Variants in GTPBP1 observed in about 807,000 individuals in gnomAD.
GTPBP1 encodes the protein GTP binding protein 1.
In GTPBP1, 23 loss-of-function variants were observed where a neutral mutation model predicts 62.0. The ratio of observed to expected loss-of-function variants is 0.37; its 90% CI spans 0.27 to 0.53. The LOEUF is 0.53. Among genes scored for constraint, GTPBP1 ranks in the 20% least tolerant of loss-of-function variants. The probability of loss-of-function intolerance (pLI) is 0.89; values close to 1 mark genes in which losing one functional copy is unlikely to be tolerated. For missense variants in GTPBP1, 640 were observed against 917.3 expected (o/e 0.70, Z 3.90); for synonymous variants, 344 against 364.4 (o/e 0.94, Z 0.64).
Position 38,729,618 on chromosome 22 carries a change from G to C in GTPBP1, c.1873G>C (p.Val625Leu), listed in dbSNP as rs138730175. The stretch of plus-strand genomic sequence containing the variant: ...CCCACCTGGAGATGAAGCCTCCTCT[G>C]TAGGGGCAGGGCAACCAGCTGCGTC... Reference protein sequence around the residue: ...APPPGDEASSVGAGQPAASSN... With the variant: ...APPPGDEASSLGAGQPAASSN... The change falls in exon 11 of 12, where the codon GTA becomes CTA. Residue 625 changes from valine (V) to leucine (L), a missense_variant. Physicochemically the swap from Val to Leu is conservative, Grantham distance 32. Around this residue, in one of 4 missense-constraint regions of GTPBP1, gnomAD observed 117 missense variants for 107.1 expected, o/e 1.09. Transcript: ENST00000216044. 5.2e-6 allele frequency: 8 copies of C among 1,541,908 alleles called. No individual in the cohort carries two copies. The highest frequency in any genetic ancestry group is 7.0e-6 in the Non-Finnish European group (8 of 1,145,934).
chr22:38,738,665 G>A (rs762930089), downstream of GTPBP1: 10 of 1,613,850 alleles, frequency 6.2e-6, no homozygotes, highest in Admixed American at 6.7e-5. This position sits in a 1 kb window ranked among gnomAD's most constrained non-coding sequence, Gnocchi z 6.6. Flanking sequence ...CTAAGGTAAC[G>A]GCTGTGGGGC....
Position 38,716,390 on chromosome 22 carries a change from T to C in GTPBP1, c.486-262T>C. 1.7e-6 allele frequency: 1 copy of C among 588,988 alleles called. No individual in the cohort carries two copies. The highest frequency in any genetic ancestry group is 3.0e-6 in the Non-Finnish European group (1 of 332,168). The allele number at this position is 588,988 out of a possible 1,614,324, so 36.5% of individuals were successfully genotyped here. ...GAGCCTTTTGTGCCTCTGGTAGCCT[T>C]GCGGCTCTTCCTGGCAGCACCCAGA... is the stretch of plus-strand genomic sequence containing the variant. On this transcript the variant is annotated intron_variant, in intron 3 of 11. Transcript: ENST00000216044. The surrounding 1 kb of genome is among the most constrained non-coding windows in gnomAD (Gnocchi z 5.2).
Position 38,727,055 on chromosome 22 carries a change from G to A in GTPBP1, c.1402-158G>A, listed in dbSNP as rs565733026. 1.3e-5 allele frequency among the ~76,000 whole-genome samples: 2 copies of A among 152,188 alleles called. No homozygotes were observed. Among genetic ancestry groups the A allele is most frequent in the Admixed American group, 6.5e-5 (1 of 15,292 alleles). On this transcript the variant is annotated intron_variant, in intron 8 of 11. Coordinates refer to ENST00000216044, the MANE Select transcript of GTPBP1 (RefSeq NM_004286.5). This position sits in a 1 kb window ranked among gnomAD's most constrained non-coding sequence, Gnocchi z 6.5. The stretch of plus-strand genomic sequence containing the variant: ...TTCCCATGGAGCACTGAGGGTGCTC[G>A]TGCTGTCCACCCTAGAAGGCCTGTG...
chr22:38,719,668 C>T (rs9611012), intron 4 of GTPBP1, among the ~76,000 whole-genome samples: 8,557 of 150,888 alleles, frequency 0.057, 355 homozygotes, highest in Middle Eastern at 0.11. Flanking sequence ...AAATAGTGGA[C>T]ATGTCTTCAT....
chr22:38,737,697 G>A (rs2037061405), downstream of GTPBP1: 1 of 357,218 alleles, frequency 2.8e-6, no homozygotes, highest in African/African-American at 2.1e-5. The surrounding 1 kb of genome is among the most constrained non-coding windows in gnomAD (Gnocchi z 4.1). Context: ...GCAGGCTCCT[G>A]GGTCCTGTCA....
chr22:38,734,885 C>T (rs2092788339), downstream of GTPBP1: 1 of 205,646 alleles, frequency 4.9e-6, no homozygotes. Flanking sequence ...ACCACTGCAT[C>T]CAGCCTCATG....
chr22:38,723,563 C>T, intron 5 of GTPBP1: 5 of 594,530 alleles, frequency 8.4e-6, no homozygotes, highest in Non-Finnish European at 1.2e-5. Flanking sequence ...GCCTGAATTT[C>T]CATCAGCCCA....
chr22:38,733,778 T>A (rs1647195869), downstream of GTPBP1, among the ~76,000 whole-genome samples: 1 of 151,954 alleles, frequency 6.6e-6, no homozygotes, highest in Non-Finnish European at 1.5e-5. Context: ...CAGCACAGGT[T>A]TAGTTGGGTT....
At chr22:38,740,800 C>T (rs2092850188), downstream of GTPBP1, 1 of 612,538 alleles carries the variant, frequency 1.6e-6, no homozygotes, top group Non-Finnish European at 2.9e-6. The surrounding 1 kb of genome is among the most constrained non-coding windows in gnomAD (Gnocchi z 4.8). Flanking sequence ...CTGCCCCCCG[C>T]CCTCAGGACC....
chr22:38,710,605 A>G (rs947295172), intron 2 of GTPBP1, among the ~76,000 whole-genome samples: 2 of 152,020 alleles, frequency 1.3e-5, no homozygotes, highest in Non-Finnish European at 2.9e-5. Flanking sequence ...AGAGGCAGCA[A>G]TGAATGCCAG....
chr22:38,723,182 C>T (rs969268578), intron 5 of GTPBP1: 90 of 877,236 alleles, frequency 1.0e-4, no homozygotes, highest in Admixed American at 9.2e-4. Context: ...TTCTGTAGGA[C>T]CACGAAGGTG....
rs2092734991 is a variant in GTPBP1 at position 38,727,848 on chromosome 22, G to A, written c.1538-135G>A. Reference sequence around the variant, plus strand: ...ATCAGAGCCAAGAACAGGCTTCACGGGGGTCTGTAGCCCCAGAGATAAGCC... The same window carrying A: ...ATCAGAGCCAAGAACAGGCTTCACGAGGGTCTGTAGCCCCAGAGATAAGCC... On this transcript the variant is annotated intron_variant, in intron 9 of 11. Coordinates refer to ENST00000216044, the MANE Select transcript of GTPBP1 (RefSeq NM_004286.5). This position sits in a 1 kb window ranked among gnomAD's most constrained non-coding sequence, Gnocchi z 6.5. 1 of 639,148 alleles carries A rather than the reference G, an allele frequency of 1.6e-6. No homozygotes were observed. The highest frequency in any genetic ancestry group is 1.8e-5 in the African/African-American group (1 of 55,232). 39.6% of individuals were successfully genotyped at this position (639,148 alleles called of 1,614,324 possible).
chr22:38,719,250 GCCC>G, intron 4 of GTPBP1, among the ~76,000 whole-genome samples: 1 of 152,252 alleles, frequency 6.6e-6, no homozygotes, highest in East Asian at 1.9e-4. Flanking sequence ...CCAGCAATCT[GCCC>G]ACCTTGGCCT....
chr22:38,726,731 G>C lies in GTPBP1; in HGVS notation c.1401+291G>C, dbSNP rs2092728831. ...GAGGTCAAATAGGAGTATCCCTGCT[G>C]TGCAAGGATCCTTCTACATAGGACC... On this transcript the variant is annotated intron_variant, in intron 8 of 11. Coordinates refer to ENST00000216044, the MANE Select transcript of GTPBP1 (RefSeq NM_004286.5). The surrounding 1 kb of genome is among the most constrained non-coding windows in gnomAD (Gnocchi z 4.1). 6.6e-6 allele frequency among the ~76,000 whole-genome samples: 1 copy of C among 152,140 alleles called. No homozygotes were observed. The highest frequency in any genetic ancestry group is 2.4e-5 in the African/African-American group (1 of 41,418).
chr22:38,728,309 C>T (rs2092737731), intron 10 of GTPBP1, 148 bp downstream of exon 10: 1 of 629,912 alleles, frequency 1.6e-6, no homozygotes, highest in African/African-American at 1.8e-5. Context: ...TCTCTACTCC[C>T]TTAGAGGTAT....
chr22:38,714,393 C>A (rs1028191441), intron 2 of GTPBP1, among the ~76,000 whole-genome samples: 2 of 149,908 alleles, frequency 1.3e-5, no homozygotes, highest in Non-Finnish European at 2.9e-5. Flanking sequence ...GCAGGAGAAT[C>A]GCTTGAACCT....
chr22:38,738,033 T>C, downstream of GTPBP1: 1 of 790,572 alleles, frequency 1.3e-6, no homozygotes, highest in Admixed American at 1.9e-5. This position sits in a 1 kb window ranked among gnomAD's most constrained non-coding sequence, Gnocchi z 6.6. Flanking sequence ...CCCATTTGGA[T>C]ATCACATCTT....
At chr22:38,742,567 G>C (rs777304475), downstream of GTPBP1, 32 of 1,601,498 alleles carry the variant, frequency 2.0e-5, no homozygotes, top group Non-Finnish European at 2.6e-5. Flanking sequence ...TGGAAGGGCA[G>C]AGAGAGAGCC....
At position 38,729,600 on chromosome 22, in the gene GTPBP1, G is replaced by A; in HGVS notation, c.1855G>A (p.Gly619Arg). Residue 619 changes from glycine to arginine, a missense_variant, in exon 11 of 12, where the codon GGA (glycine) becomes AGA (arginine). Transcript: ENST00000216044. Reference sequence around the variant, plus strand: ...GCCAGCAGTAGGAGCACCCCCACCTGGAGATGAAGCCTCCTCTGTAGGGGC... The same window carrying A: ...GCCAGCAGTAGGAGCACCCCCACCTAGAGATGAAGCCTCCTCTGTAGGGGC... ...GGPAVGAPPP[G>R]DEASSVGAGQ... 1 of 1,566,278 alleles carries A rather than the reference G, an allele frequency of 6.4e-7. No homozygotes were observed. Among genetic ancestry groups the A allele is most frequent in the East Asian group, 2.3e-5 (1 of 43,256 alleles).
Sources: allele counts gnomAD v4.1 joint callset (sites outside exome capture counted in the v4.1 genomes callset), GRCh38; gene constraint gnomAD v4.1.1; regional missense constraint gnomAD v4.1.1; non-coding constraint Gnocchi (gnomAD v3.1); transcripts MANE v1.5; gene names NCBI Gene and HGNC (gene_info 2026-07-23, HGNC 2026-07-21).